C12orf42: variants seen among roughly 807,000 people sequenced by gnomAD.
C12orf42 encodes the protein chromosome 12 open reading frame 42, also known as uncharacterized protein C12orf42.
A neutral mutation model predicts 21.6 loss-of-function variants in C12orf42; 25 were observed. The ratio of observed to expected loss-of-function variants is 1.16; its 90% CI spans 0.84 to 1.62. C12orf42 has a LOEUF of 1.62. Among genes scored for constraint, C12orf42 ranks in the 40% most tolerant of loss-of-function variants. C12orf42 has a pLI of 0.00. For missense variants in C12orf42, 483 were observed against 459.3 expected (o/e 1.05, Z -0.47); for synonymous variants, 174 against 175.0 (o/e 0.99, Z 0.05).
chr12:103,210,816 T>C, the C12orf42 span, among the ~76,000 whole-genome samples: 4 of 151,844 alleles, frequency 2.6e-5, no homozygotes, highest in African/African-American at 9.7e-5. Flanking sequence ...TAAGCAAATA[T>C]ACCTAGTATC....
chr12:103,385,797 CAA>C (rs2046563573), intron 3 of C12orf42, among the ~76,000 whole-genome samples: 1 of 152,102 alleles, frequency 6.6e-6, no homozygotes. Context: ...TAACTTGAGA[CAA>C]AGGCTAAATT....
intron 4 of C12orf42, among the ~76,000 whole-genome samples, chr12:103,362,898 A>G (rs2044242004): frequency 1.3e-5 from 2 of 152,014 alleles, no homozygotes. Flanking sequence ...GGAAGAAGAG[A>G]AATCTAAAAG....
At chr12:103,308,190 A>G (rs144564155) in intron 4 of C12orf42, among the ~76,000 whole-genome samples, 333 of 152,326 alleles carry the variant, frequency 2.2e-3, no homozygotes, top group African/African-American at 7.2e-3. Context: ...TTAGGGTAGT[A>G]GTTGGCATTT....
intron 4 of C12orf42, among the ~76,000 whole-genome samples, chr12:103,339,555 A>T (rs539070483): frequency 2.0e-5 from 3 of 152,244 alleles, no homozygotes; most frequent in Non-Finnish European, 1.5e-5. Flanking sequence ...ACTTTTTAAA[A>T]TAAGATATAC....
At chr12:103,261,817 T>C (rs1352196178) in intron 10 of C12orf42, among the ~76,000 whole-genome samples, 1 of 152,190 alleles carries the variant, frequency 6.6e-6, no homozygotes, top group Non-Finnish European at 1.5e-5. Context: ...AATAGAATTT[T>C]ACCATTAGAA....
At chr12:103,445,125 A>T (rs1951498356) in intron 2 of C12orf42, among the ~76,000 whole-genome samples, 1 of 152,016 alleles carries the variant, frequency 6.6e-6, no homozygotes, top group Non-Finnish European at 1.5e-5. Flanking sequence ...TCTCAGGGGT[A>T]GACGCTATGT....
At chr12:103,268,934 G>A (rs1459999136) in exon 7 of C12orf42, 1 of 152,096 alleles carries the variant, frequency 6.6e-6, no homozygotes. Flanking sequence ...TTTCTTTCAA[G>A]AAGGCAGGTG....
chr12:103,322,098 T>TGCACGCGCGTGCGTGCGC (rs954306052), intron 4 of C12orf42, among the ~76,000 whole-genome samples: 3 of 127,684 alleles, frequency 2.3e-5, no homozygotes, highest in African/African-American at 9.9e-5. Context: ...TTCTCAGATG[T>TGCACGCGCGTGCGTGCGC]GCACGCGCGT....
the C12orf42 span, among the ~76,000 whole-genome samples, chr12:103,216,888 G>A: frequency 5.5e-3 from 839 of 152,130 alleles, 5 homozygotes; most frequent in African/African-American, 0.019. Context: ...TGTGGCCCAG[G>A]CTGGAGTGCA....
At chr12:103,310,291 C>T (rs899302436) in intron 4 of C12orf42, among the ~76,000 whole-genome samples, 1 of 152,162 alleles carries the variant, frequency 6.6e-6, no homozygotes, top group East Asian at 1.9e-4. Flanking sequence ...CTCCCTCTCA[C>T]TTGCTCCTAC....
At chr12:103,310,254 A>ACTCT (rs142832022) in intron 4 of C12orf42, among the ~76,000 whole-genome samples, 1 of 136,052 alleles carries the variant, frequency 7.4e-6, no homozygotes, top group Non-Finnish European at 1.6e-5. Context: ...CTTCTCCCCT[A>ACTCT]CTCTCTCTCT....
exon 7 of C12orf42, chr12:103,268,691 A>G (rs1372532604): frequency 6.6e-6 from 1 of 151,826 alleles, no homozygotes; most frequent in African/African-American, 2.4e-5. Context: ...AAATTGATTG[A>G]CTCCCCTCTA....
At chr12:103,363,507 T>C (rs116705718) in intron 4 of C12orf42, among the ~76,000 whole-genome samples, 111 of 152,198 alleles carry the variant, frequency 7.3e-4, no homozygotes, top group African/African-American at 2.6e-3. Context: ...AATACTGACA[T>C]TGAAAGTAAA....
At chr12:103,197,682 T>G in the C12orf42 span, among the ~76,000 whole-genome samples, 1 of 152,242 alleles carries the variant, frequency 6.6e-6, no homozygotes, top group African/African-American at 2.4e-5. Context: ...GTTTCTCATC[T>G]GTCTGGCTGA....
chr12:103,519,791 C>G, the C12orf42 span, among the ~76,000 whole-genome samples: 3 of 152,140 alleles, frequency 2.0e-5, no homozygotes, highest in Non-Finnish European at 4.4e-5. Context: ...ATACATCTCC[C>G]CACAGATGAC....
chr12:103,383,746 A>C (rs2046367766), intron 3 of C12orf42, among the ~76,000 whole-genome samples: 1 of 152,250 alleles, frequency 6.6e-6, no homozygotes, highest in African/African-American at 2.4e-5. Flanking sequence ...GCCTATACTT[A>C]ACCACTCTTG....
At chr12:103,196,380 C>G in the C12orf42 span, among the ~76,000 whole-genome samples, 2,197 of 151,952 alleles carry the variant, frequency 0.014, 66 homozygotes, top group African/African-American at 0.051. Context: ...AGAGTATACA[C>G]CACGTACAGA....
At chr12:103,507,230 TA>T in the C12orf42 span, among the ~76,000 whole-genome samples, 1 of 48,886 alleles carries the variant, frequency 2.0e-5, no homozygotes, top group Non-Finnish European at 2.9e-5. Flanking sequence ...TAAATATAAA[TA>T]TATATATATT....
chr12:103,178,291 T>TTC, the C12orf42 span: 2 of 152,338 alleles, frequency 1.3e-5, no homozygotes, highest in South Asian at 4.1e-4. Context: ...ATAATTTTTT[T>TTC]CTTTTGCATA....
Sources: gnomAD v4.1 joint callset for allele counts (sites outside exome capture counted in the v4.1 genomes callset) on GRCh38, gnomAD v4.1.1 for gene constraint, MANE v1.5 for transcripts, NCBI Gene and HGNC (gene_info 2026-07-23, HGNC 2026-07-21) for gene names.